Variants in CDH26 observed in about 807,000 individuals in gnomAD.
CDH26 encodes cadherin-like protein 26.
In CDH26, 83 loss-of-function variants were observed where a neutral mutation model predicts 90.3. The ratio of observed to expected loss-of-function variants is 0.92; its 90% CI spans 0.77 to 1.10. The LOEUF is 1.10. CDH26 is among the 50% of genes least tolerant of loss of function. The pLI, the probability that CDH26 is intolerant of heterozygous loss-of-function variation, is 0.00. For synonymous variants in CDH26, 397 were observed against 396.3 expected (o/e 1.00, Z -0.02); for missense variants, 1,013 against 1,037.6 (o/e 0.98, Z 0.33).
At chr20:60,005,329 CT>C (rs980429200) in intron 16 of CDH26, among the ~76,000 whole-genome samples, 1 of 152,060 alleles carries the variant, frequency 6.6e-6, no homozygotes, top group African/African-American at 2.4e-5. Context: ...GTCAGCACCC[CT>C]AACCCCCACA....
chr20:59,978,257 T>C (rs76157075), intron 4 of CDH26, among the ~76,000 whole-genome samples: 1,530 of 152,304 alleles, frequency 0.01, 14 homozygotes, highest in Middle Eastern at 0.02. Context: ...AGGCTGATAG[T>C]TGGATTGTGT....
chr20:59,990,950 A>G (rs1052558733), intron 9 of CDH26, among the ~76,000 whole-genome samples: 1 of 151,312 alleles, frequency 6.6e-6, no homozygotes, highest in African/African-American at 2.4e-5. Context: ...ACTCACTGCA[A>G]CCTCCACCTC....
At chr20:59,984,145 G>A (rs1056804432) in intron 5 of CDH26, among the ~76,000 whole-genome samples, 1 of 152,146 alleles carries the variant, frequency 6.6e-6, no homozygotes, top group Admixed American at 6.5e-5. Context: ...GAAGATGCTT[G>A]GTGTGTTGTT....
intron 1 of CDH26, among the ~76,000 whole-genome samples, chr20:59,964,328 A>G (rs2061117785): frequency 6.6e-6 from 1 of 152,236 alleles, no homozygotes; most frequent in Non-Finnish European, 1.5e-5. Context: ...GCCATCTGTC[A>G]AATCATGTGC....
At chr20:59,999,467 C>A (rs1200653286) in intron 13 of CDH26, 119 bp from the exon 14 acceptor site, 2 of 772,370 alleles carry the variant, frequency 2.6e-6, no homozygotes, top group South Asian at 3.5e-5. Flanking sequence ...GTCTGGACTT[C>A]TTCTGTGATG....
At chr20:60,015,093 T>G (rs1347784469), downstream of CDH26, among the ~76,000 whole-genome samples, 1 of 152,248 alleles carries the variant, frequency 6.6e-6, no homozygotes, top group East Asian at 1.9e-4. Context: ...GAAGCAATTC[T>G]CCTGTCTCAG....
chr20:60,024,805 G>A (rs2061983347), intron 7 of CDH26, among the ~76,000 whole-genome samples: 1 of 152,194 alleles, frequency 6.6e-6, no homozygotes, highest in South Asian at 2.1e-4. Flanking sequence ...AATTTAGCCA[G>A]GGCTATGGCT....
intron 4 of CDH26, among the ~76,000 whole-genome samples, chr20:59,976,775 C>T (rs891122244): frequency 2.0e-5 from 3 of 152,048 alleles, no homozygotes; most frequent in Non-Finnish European, 4.4e-5. Context: ...TGCTAGGATA[C>T]CTGGTGGGAC....
At chr20:60,026,471 A>C (rs1019837940) in intron 7 of CDH26, among the ~76,000 whole-genome samples, 2 of 152,138 alleles carry the variant, frequency 1.3e-5, no homozygotes, top group Admixed American at 1.3e-4. Flanking sequence ...GGGACTTCAC[A>C]GAGACCGGAA....
intron 7 of CDH26, among the ~76,000 whole-genome samples, chr20:60,022,132 A>G (rs2061963433): frequency 6.6e-6 from 1 of 151,936 alleles, no homozygotes; most frequent in Non-Finnish European, 1.5e-5. Flanking sequence ...TTCATTCTCA[A>G]GTCTACCTAC....
chr20:59,967,743 TCCCTTCCCTTC>T (rs1050974795), intron 1 of CDH26, among the ~76,000 whole-genome samples: 6 of 150,146 alleles, frequency 4.0e-5, no homozygotes, highest in African/African-American at 1.5e-4. Context: ...CTTTCCTTCC[TCCCTTCCCTTC>T]CCCTTCCCCT....
At chr20:59,997,944 A>G (rs1048976151) in intron 13 of CDH26, among the ~76,000 whole-genome samples, 1 of 152,260 alleles carries the variant, frequency 6.6e-6, no homozygotes, top group Non-Finnish European at 1.5e-5. Context: ...GGGAGCAGCC[A>G]CTTAGGCTCC....
At chr20:59,973,960 G>T (rs185053868) in intron 4 of CDH26, among the ~76,000 whole-genome samples, 2 of 152,276 alleles carry the variant, frequency 1.3e-5, no homozygotes, top group Non-Finnish European at 2.9e-5. Context: ...GCTCTTTGAG[G>T]AATCACCACA....
At chr20:60,012,144 AAG>A (rs1346687477) in intron 17 of CDH26, among the ~76,000 whole-genome samples, 2 of 151,952 alleles carry the variant, frequency 1.3e-5, no homozygotes, top group Non-Finnish European at 2.9e-5. Flanking sequence ...GGTAAAGATG[AAG>A]AGAGAGGGGA....
chr20:59,963,920 A>G (rs1318557245), intron 1 of CDH26, among the ~76,000 whole-genome samples: 3 of 151,848 alleles, frequency 2.0e-5, no homozygotes, highest in East Asian at 1.9e-4. Context: ...TCTCTCCTCC[A>G]TGGTCTTTCA....
At chr20:59,967,877 C>CT (rs1436214544) in intron 1 of CDH26, among the ~76,000 whole-genome samples, 231 of 89,436 alleles carry the variant, frequency 2.6e-3, no homozygotes, top group African/African-American at 3.4e-3. Context: ...TTCTTTCTTT[C>CT]TTCCTTCCTT....
Position 59,958,809 on chromosome 20 carries a change from G to T in CDH26, c.69+14G>T, listed in dbSNP as rs1486876466. ...TGGCTGCTGCAGGTAAGCTGAGCCT[G>T]CAGCCTAGTGCTCAGGTGCAGGGAA... is the stretch of plus-strand genomic sequence containing the variant. On this transcript the variant is annotated intron_variant, in intron 1 of 17. Coordinates refer to ENST00000348616, the MANE Select transcript of CDH26 (RefSeq NM_177980.4). 1 of 1,611,262 alleles carries T rather than the reference G, an allele frequency of 6.2e-7. No individual in the cohort carries two copies. The highest frequency in any genetic ancestry group is 1.1e-5 in the South Asian group (1 of 90,862).
intron 7 of CDH26, among the ~76,000 whole-genome samples, chr20:60,028,460 C>G (rs778894303): frequency 2.0e-5 from 3 of 152,112 alleles, no homozygotes; most frequent in Admixed American, 1.3e-4. Context: ...ATTGATTTAG[C>G]GAGAGGCAAT....
rs1335041951 is a variant in CDH26 at position 59,992,001 on chromosome 20, T to G, written c.1284-377T>G. 6.6e-6 allele frequency among the ~76,000 whole-genome samples: 1 copy of G among 152,134 alleles called. No homozygotes were observed. Among genetic ancestry groups the G allele is most frequent in the African/African-American group, 2.4e-5 (1 of 41,406 alleles). On this transcript the variant is annotated intron_variant, in intron 9 of 17. Transcript: ENST00000348616. The surrounding 1 kb of genome is among the most constrained non-coding windows in gnomAD (Gnocchi z 5.0). ...AACACACCAGGGGTAAAGTCCTAGG[T>G]TTCTGTTGCAAGGGCAGGTTGGTTT...
Sources: allele counts gnomAD v4.1 joint callset (sites outside exome capture counted in the v4.1 genomes callset), GRCh38; gene constraint gnomAD v4.1.1; non-coding constraint Gnocchi (gnomAD v3.1); transcripts MANE v1.5; gene names NCBI Gene and HGNC (gene_info 2026-07-23, HGNC 2026-07-21).